DPP6: variants seen among roughly 807,000 people sequenced by gnomAD.
The protein encoded by DPP6 is A-type potassium channel modulatory protein DPP6.
A neutral mutation model predicts 122.6 loss-of-function variants in DPP6; 69 were observed. That is an observed-to-expected ratio of 0.56 (90% CI 0.46 to 0.69). The LOEUF is 0.69. Ranked by LOEUF, DPP6 falls within the 30% of genes least tolerant of loss-of-function variation. DPP6 has a pLI of 0.00. For synonymous variants in DPP6, 418 were observed against 433.1 expected (o/e 0.97, Z 0.43); for missense variants, 928 against 1,116.9 (o/e 0.83, Z 2.41).
At chr7:154,510,397 A>G (rs977897388) in intron 3 of DPP6, among the ~76,000 whole-genome samples, 5 of 152,172 alleles carry the variant, frequency 3.3e-5, no homozygotes, top group Non-Finnish European at 7.3e-5. Flanking sequence ...GATGATGTAA[A>G]GCTTGTAAGA....
At chr7:154,756,348 C>A (rs879489673) in intron 8 of DPP6, among the ~76,000 whole-genome samples, 5 of 152,196 alleles carry the variant, frequency 3.3e-5, no homozygotes, top group Non-Finnish European at 7.3e-5. Flanking sequence ...GCCTATACGT[C>A]TCCAGGCCCC....
chr7:154,733,876 C>T lies in DPP6; in HGVS notation c.883+5989C>T, dbSNP rs148579215. 4.6e-5 allele frequency among the ~76,000 whole-genome samples: 7 copies of T among 152,292 alleles called. No individual in the cohort carries two copies. In the East Asian group the frequency reaches 5.8e-4, roughly 13 times the overall value. ...CAGAACAAACTTAAGTAACACTTCA[C>T]GTGAAACTTGCATATTGGCTTTAAT... On this transcript the variant is annotated intron_variant, in intron 8 of 25. Coordinates refer to ENST00000377770, the MANE Select transcript of DPP6 (RefSeq NM_130797.4).
At chr7:154,735,615 G>A (rs1337504897) in intron 8 of DPP6, among the ~76,000 whole-genome samples, 2 of 152,142 alleles carry the variant, frequency 1.3e-5, no homozygotes, top group Non-Finnish European at 2.9e-5. Flanking sequence ...TAATGATCTT[G>A]ACTTGAAGAA....
intron 4 of DPP6, among the ~76,000 whole-genome samples, chr7:154,565,551 G>A (rs911187175): frequency 6.6e-5 from 10 of 152,038 alleles, no homozygotes; most frequent in Non-Finnish European, 1.5e-4. Flanking sequence ...TGGAGATGGA[G>A]TGTCGCTCTT....
the DPP6 span, among the ~76,000 whole-genome samples, chr7:153,862,055 G>C: frequency 6.6e-6 from 1 of 152,194 alleles, no homozygotes; most frequent in South Asian, 2.1e-4. Context: ...ATTTACATGT[G>C]GAAGATGAGA....
chr7:154,825,670 G>T (rs939669760), intron 16 of DPP6, among the ~76,000 whole-genome samples: 11 of 152,190 alleles, frequency 7.2e-5, no homozygotes, highest in African/African-American at 2.2e-4. Flanking sequence ...TAAGAGTGGG[G>T]TCAGGACTGC....
intron 2 of DPP6, among the ~76,000 whole-genome samples, chr7:154,447,679 A>G (rs1426660720): frequency 2.6e-5 from 4 of 152,224 alleles, no homozygotes; most frequent in African/African-American, 9.6e-5. Flanking sequence ...TCTTCAACAA[A>G]ATAGTAGCAA....
At chr7:154,671,878 A>ACACACACG (rs2131117217) in intron 7 of DPP6, among the ~76,000 whole-genome samples, 1 of 117,174 alleles carries the variant, frequency 8.5e-6, no homozygotes, top group East Asian at 2.7e-4. Context: ...ACACACACAC[A>ACACACACG]CACACACACA....
intron 3 of DPP6, among the ~76,000 whole-genome samples, chr7:154,525,693 C>A (rs1336396496): frequency 6.6e-6 from 1 of 152,014 alleles, no homozygotes; most frequent in Non-Finnish European, 1.5e-5. Flanking sequence ...AGCAGAGCAT[C>A]CCGTACATTG....
intron 1 of DPP6, among the ~76,000 whole-genome samples, chr7:154,346,742 C>G (rs1177094463): frequency 6.6e-6 from 1 of 152,204 alleles, no homozygotes; most frequent in African/African-American, 2.4e-5. Flanking sequence ...GGCTGAGCAT[C>G]TGTATCAAGG....
intron 1 of DPP6, among the ~76,000 whole-genome samples, chr7:153,911,273 C>G (rs962212471): frequency 3.3e-5 from 5 of 152,194 alleles, no homozygotes; most frequent in Non-Finnish European, 7.3e-5. Context: ...GACCTTCATG[C>G]TCAAATCGTT....
chr7:154,891,618 T>C (rs944270762), intron 25 of DPP6, among the ~76,000 whole-genome samples: 2 of 152,082 alleles, frequency 1.3e-5, no homozygotes, highest in African/African-American at 4.8e-5. Context: ...ACTCAGAGTG[T>C]AACTGAGAGA....
chr7:154,805,094 G>C, intron 15 of DPP6, 130 bp downstream of exon 15: 4 of 1,276,300 alleles, frequency 3.1e-6, no homozygotes, highest in Non-Finnish European at 4.3e-6. Context: ...AGGAGTAGCT[G>C]TAGAGTCTGG....
chr7:154,411,201 G>A (rs181503360), intron 1 of DPP6, among the ~76,000 whole-genome samples: 11 of 152,234 alleles, frequency 7.2e-5, no homozygotes, highest in South Asian at 2.1e-4. Context: ...CAGATTTTTC[G>A]TAACTCTCAT....
chr7:153,930,813 TTGAATATC>T, intron 1 of DPP6, among the ~76,000 whole-genome samples: 1 of 152,330 alleles, frequency 6.6e-6, no homozygotes, highest in Middle Eastern at 3.4e-3. Context: ...ACATGGTCTC[TTGAATATC>T]TGGAATCTGC....
At chr7:154,621,394 A>G (rs1354940022) in intron 5 of DPP6, among the ~76,000 whole-genome samples, 1 of 152,174 alleles carries the variant, frequency 6.6e-6, no homozygotes, top group Non-Finnish European at 1.5e-5. Context: ...TTTGAGACAG[A>G]ATCTCACTCT....
intron 6 of DPP6, among the ~76,000 whole-genome samples, chr7:154,650,486 A>C (rs1018723701): frequency 1.3e-5 from 2 of 152,210 alleles, no homozygotes; most frequent in African/African-American, 4.8e-5. Flanking sequence ...GACGTGGCCT[A>C]ACTTCCGACA....
intron 5 of DPP6, among the ~76,000 whole-genome samples, chr7:154,575,446 GTGTA>G (rs1831560673): frequency 1.7e-5 from 2 of 118,440 alleles, no homozygotes; most frequent in Admixed American, 8.2e-5. Flanking sequence ...TGTGTGGTGT[GTGTA>G]TGTGTGTGNG....
At chr7:154,399,115 C>G (rs10488316) in intron 1 of DPP6, among the ~76,000 whole-genome samples, 13,649 of 152,092 alleles carry the variant, frequency 0.09, 698 homozygotes, top group East Asian at 0.13. Context: ...CGAGAGAGAC[C>G]AAAGCAACAA....
Sources: allele counts gnomAD v4.1 joint callset (sites outside exome capture counted in the v4.1 genomes callset), GRCh38; gene constraint gnomAD v4.1.1; transcripts MANE v1.5; gene names NCBI Gene and HGNC (gene_info 2026-07-23, HGNC 2026-07-21).